TMEM135: variants seen among roughly 807,000 people sequenced by gnomAD.
TMEM135 encodes the protein transmembrane protein 135, also known as peroxisomal membrane protein 52.
TMEM135 carries 30 observed loss-of-function variants against 60.3 expected under a neutral mutation model. That is an observed-to-expected ratio of 0.50 (90% CI 0.37 to 0.68). TMEM135 has a LOEUF of 0.68. Among genes scored for constraint, TMEM135 ranks in the 30% least tolerant of loss-of-function variants. TMEM135 has a pLI of 0.00. For missense variants in TMEM135, 468 were observed against 548.8 expected (o/e 0.85, Z 1.47); for synonymous variants, 190 against 186.7 (o/e 1.02, Z -0.14).
intron 4 of TMEM135, chr11:87,096,695 A>G (rs1857338499): frequency 6.6e-6 from 1 of 152,192 alleles, no homozygotes; most frequent in Admixed American, 6.5e-5. Flanking sequence ...TGTTGCATTT[A>G]TAATAATTAT....
In TMEM135 at chr11:87,068,668, G is replaced by A. The variant is rs188521960; in HGVS notation, c.269+847G>A. Among the ~76,000 whole-genome samples, 1,266 of 152,006 alleles carry A rather than the reference G, an allele frequency of 8.3e-3. 5 individuals are homozygous for A. The highest frequency in any genetic ancestry group is 0.012 in the Non-Finnish European group (788 of 67,986). On this transcript the variant is annotated intron_variant, in intron 2 of 14. Coordinates refer to ENST00000305494, the MANE Select transcript of TMEM135 (RefSeq NM_022918.4). Reference sequence around the variant, plus strand: ...TACTAAAAAGTACAAAAAATTAGCCGGGCGTGGTGGTGGGCGCCTGTAGTC... The same window carrying A: ...TACTAAAAAGTACAAAAAATTAGCCAGGCGTGGTGGTGGGCGCCTGTAGTC...
chr11:87,156,465 A>G (rs1938699093), intron 4 of TMEM135, among the ~76,000 whole-genome samples: 1 of 152,168 alleles, frequency 6.6e-6, no homozygotes, highest in African/African-American at 2.4e-5. Flanking sequence ...TTGTCATCTT[A>G]ATAATAAGTA....
chr11:87,306,073 G>T lies in TMEM135; in HGVS notation c.768+68G>T, dbSNP rs1031724225. 27 of 926,932 alleles carry T rather than the reference G, an allele frequency of 2.9e-5. No homozygotes were observed. The Admixed American group carries it at 7.4e-4, about 25-fold the overall frequency. The allele number at this position is 926,932 out of a possible 1,614,324, so 57.4% of individuals were successfully genotyped here. A position where few individuals can be genotyped will look rare whatever the true frequency, so the allele number is the denominator to read the frequency against. Reference sequence around the variant, plus strand: ...GGTATAGAAATTATTTATTTATTTAGAAATAATTTAAAAATAAATGGAAAA... The same window carrying T: ...GGTATAGAAATTATTTATTTATTTATAAATAATTTAAAAATAAATGGAAAA... On this transcript the variant is annotated intron_variant, in intron 9 of 14. Coordinates refer to ENST00000305494, the MANE Select transcript of TMEM135 (RefSeq NM_022918.4).
intron 10 of TMEM135, among the ~76,000 whole-genome samples, chr11:87,310,126 A>G (rs1207293084): frequency 6.6e-6 from 1 of 152,090 alleles, no homozygotes; most frequent in Non-Finnish European, 1.5e-5. Context: ...TGTAACTTAT[A>G]TAAGCAATGA....
At chr11:87,161,417 G>T (rs1938874362) in intron 5 of TMEM135, among the ~76,000 whole-genome samples, 1 of 151,910 alleles carries the variant, frequency 6.6e-6, no homozygotes, top group Admixed American at 6.6e-5. Context: ...TAGAAGATAA[G>T]GTTACTCTCT....
At chr11:87,045,656 A>G (rs1199514419) in intron 1 of TMEM135, among the ~76,000 whole-genome samples, 2 of 152,166 alleles carry the variant, frequency 1.3e-5, no homozygotes, top group African/African-American at 4.8e-5. Context: ...TTCATATCCA[A>G]CTAATTAGTT....
At chr11:87,319,713 T>C (rs1305573425) in intron 14 of TMEM135, among the ~76,000 whole-genome samples, 1 of 151,906 alleles carries the variant, frequency 6.6e-6, no homozygotes, top group Non-Finnish European at 1.5e-5. Context: ...CTCCACATAA[T>C]TAACTGATTT....
At chr11:87,198,647 T>A (rs1940019773) in intron 5 of TMEM135, among the ~76,000 whole-genome samples, 1 of 148,856 alleles carries the variant, frequency 6.7e-6, no homozygotes, top group Non-Finnish European at 1.5e-5. Flanking sequence ...CTCTCTTCTC[T>A]TTTCCCTGTT....
intron 5 of TMEM135, among the ~76,000 whole-genome samples, chr11:87,208,930 A>T (rs149001230): frequency 6.6e-6 from 1 of 152,186 alleles, no homozygotes; most frequent in Non-Finnish European, 1.5e-5. Flanking sequence ...TTAAATAAAT[A>T]AATTCCAACA....
rs993660761 is a variant in TMEM135, at chr11:87,258,945, C to A, written c.509+22261C>A. The A allele has an allele frequency of 8.8e-6, 13 of 1,478,826 alleles. No homozygotes were observed. In the African/African-American group the frequency reaches 1.5e-4, roughly 17 times the overall value. The allele number at this position is 1,478,826 out of a possible 1,614,324, so 91.6% of individuals were successfully genotyped here. On this transcript the variant is annotated intron_variant, in intron 6 of 14. Transcript: ENST00000305494. Reference sequence around the variant, plus strand: ...GTATCTGCTGCTGCTGCAGTTGCTGCTGTTGCTCGGTTTGCATCTTCTCAG... The same window carrying A: ...GTATCTGCTGCTGCTGCAGTTGCTGATGTTGCTCGGTTTGCATCTTCTCAG...
At chr11:87,175,980 T>C (rs1565474550) in intron 5 of TMEM135, among the ~76,000 whole-genome samples, 1 of 152,220 alleles carries the variant, frequency 6.6e-6, no homozygotes, top group Non-Finnish European at 1.5e-5. Context: ...ACTTTATACA[T>C]ATGTGTATGG....
chr11:87,166,634 T>A (rs1178018082), intron 5 of TMEM135, among the ~76,000 whole-genome samples: 1 of 151,704 alleles, frequency 6.6e-6, no homozygotes, highest in Admixed American at 6.6e-5. Context: ...GCGTTATTTC[T>A]GAGGCCTCTG....
intron 7 of TMEM135, among the ~76,000 whole-genome samples, chr11:87,296,755 C>T (rs980133145): frequency 6.6e-5 from 10 of 151,998 alleles, no homozygotes; most frequent in African/African-American, 2.4e-4. Context: ...GATGATGTGC[C>T]TTAAACTGTA....
At chr11:87,200,272 C>G (rs530789609) in intron 5 of TMEM135, among the ~76,000 whole-genome samples, 10 of 151,992 alleles carry the variant, frequency 6.6e-5, no homozygotes, top group Non-Finnish European at 1.2e-4. Flanking sequence ...TCTAAATACA[C>G]CCAAAAATAT....
At chr11:87,262,590 T>A (rs1941673461) in intron 6 of TMEM135, among the ~76,000 whole-genome samples, 1 of 152,214 alleles carries the variant, frequency 6.6e-6, no homozygotes, top group Admixed American at 6.5e-5. Context: ...TAATGTTTGT[T>A]CCTTCCTGTT....
chr11:87,122,298 T>C (rs964038650), intron 4 of TMEM135, among the ~76,000 whole-genome samples: 1 of 145,294 alleles, frequency 6.9e-6, no homozygotes, highest in Non-Finnish European at 1.5e-5. Flanking sequence ...GGCAGGTTTA[T>C]GTTTTGCTAG....
rs575278681 is a variant in TMEM135, at chr11:87,191,592, G to C, written c.462+34186G>C. Among the ~76,000 whole-genome samples the C allele has an allele frequency of 2.6e-5, 4 of 152,242 alleles. No individual in the cohort carries two copies. In the East Asian group the frequency reaches 5.8e-4, roughly 22 times the overall value. On this transcript the variant is annotated intron_variant, in intron 5 of 14. Coordinates refer to ENST00000305494, the MANE Select transcript of TMEM135 (RefSeq NM_022918.4). ...AACACTTTGGGGCAGGGAAGAATTAGATTCTACTACCTTTGGAAGGAAGAA... is the reference window on the plus strand; with the variant it reads ...AACACTTTGGGGCAGGGAAGAATTACATTCTACTACCTTTGGAAGGAAGAA...
chr11:87,116,775 A>T (rs1302488312), intron 4 of TMEM135, among the ~76,000 whole-genome samples: 1 of 152,052 alleles, frequency 6.6e-6, no homozygotes, highest in African/African-American at 2.4e-5. Context: ...TCCAGTGCAT[A>T]TAAAAATCAT....
intron 2 of TMEM135, 21 bp downstream of exon 2, chr11:87,067,842 T>C: frequency 1.9e-6 from 3 of 1,612,548 alleles, no homozygotes; most frequent in Non-Finnish European, 2.5e-6. Context: ...ATAATCACCA[T>C]AGATACTAAT....
Sources: gnomAD v4.1 joint callset for allele counts (sites outside exome capture counted in the v4.1 genomes callset) on GRCh38, gnomAD v4.1.1 for gene constraint, MANE v1.5 for transcripts, NCBI Gene and HGNC (gene_info 2026-07-23, HGNC 2026-07-21) for gene names.